Variants in C8orf34 observed in about 807,000 individuals in gnomAD.
C8orf34 encodes chromosome 8 open reading frame 34, also known as uncharacterized protein C8orf34.
C8orf34 carries 65 observed loss-of-function variants against 68.3 expected under a neutral mutation model. That is an observed-to-expected ratio of 0.95 (90% confidence interval 0.78 to 1.17). The LOEUF is 1.17. Among genes scored for constraint, C8orf34 ranks in the 50% most tolerant of loss-of-function variants. The probability of loss-of-function intolerance (pLI) is 0.00; values close to 1 mark genes in which losing one functional copy is unlikely to be tolerated. For missense variants in C8orf34, 664 were observed against 655.4 expected (o/e 1.01, Z -0.14); for synonymous variants, 244 against 241.2 (o/e 1.01, Z -0.11).
At chr8:68,702,614 T>G (rs542675099) in intron 8 of C8orf34, among the ~76,000 whole-genome samples, 1 of 152,288 alleles carries the variant, frequency 6.6e-6, no homozygotes, top group South Asian at 2.1e-4. Context: ...TCCATGATAA[T>G]GTACAGAAGG....
At chr8:68,644,595 C>A (rs1436569975) in intron 8 of C8orf34, among the ~76,000 whole-genome samples, 1 of 152,140 alleles carries the variant, frequency 6.6e-6, no homozygotes, top group Admixed American at 6.5e-5. Flanking sequence ...TCAGCTAGAA[C>A]AAGGATAAGC....
chr8:68,578,069 A>G (rs13267615), intron 7 of C8orf34, among the ~76,000 whole-genome samples: 42,148 of 151,608 alleles, frequency 0.28, 7,011 homozygotes, highest in Non-Finnish European at 0.36. Context: ...AGGAGGCAAG[A>G]AGTAGGTAAA....
chr8:68,594,852 G>A (rs1817496858), intron 7 of C8orf34, among the ~76,000 whole-genome samples: 1 of 151,924 alleles, frequency 6.6e-6, no homozygotes. Flanking sequence ...GTTCTTTATT[G>A]CTTCATTTTT....
intron 5 of C8orf34, among the ~76,000 whole-genome samples, chr8:68,519,045 T>C (rs192410662): frequency 2.0e-4 from 31 of 152,238 alleles, no homozygotes; most frequent in Admixed American, 1.9e-3. Context: ...AAATGAAAAA[T>C]TTATTGTAAA....
chr8:68,496,276 A>G (rs4236960), intron 5 of C8orf34, among the ~76,000 whole-genome samples: 59,056 of 151,986 alleles, frequency 0.39, 11,822 homozygotes, highest in African/African-American at 0.45. Context: ...GCAGTGTGCT[A>G]AGTGCTTTGA....
intron 1 of C8orf34, among the ~76,000 whole-genome samples, chr8:68,386,202 C>A (rs1808252597): frequency 6.6e-6 from 1 of 152,116 alleles, no homozygotes; most frequent in East Asian, 1.9e-4. Context: ...CCACCCATAC[C>A]CGGCCTATTT....
At chr8:68,542,098 A>G (rs1815722021) in intron 7 of C8orf34, among the ~76,000 whole-genome samples, 1 of 152,160 alleles carries the variant, frequency 6.6e-6, no homozygotes, top group East Asian at 1.9e-4. Flanking sequence ...TCCCTGATTT[A>G]TAGTCATAGA....
intron 1 of C8orf34, among the ~76,000 whole-genome samples, chr8:68,381,523 G>A (rs2129620229): frequency 6.6e-6 from 1 of 151,468 alleles, no homozygotes; most frequent in East Asian, 1.9e-4. Flanking sequence ...ATGAGGTCAG[G>A]AGATCGAGAC....
At chr8:68,402,198 TG>T (rs1210712460) in intron 1 of C8orf34, among the ~76,000 whole-genome samples, 1 of 152,152 alleles carries the variant, frequency 6.6e-6, no homozygotes, top group African/African-American at 2.4e-5. Context: ...AGCATATAGT[TG>T]TTTCATATCA....
At chr8:68,572,662 G>A (rs1816791477) in intron 7 of C8orf34, among the ~76,000 whole-genome samples, 4 of 151,828 alleles carry the variant, frequency 2.6e-5, no homozygotes. Flanking sequence ...TATACCTAGG[G>A]GGACTCTTAA....
In C8orf34 at chr8:68,777,502, C is replaced by T. The variant is rs371351632; in HGVS notation, c.1455+1053C>T. On this transcript the variant is annotated intron_variant, in intron 11 of 13. Transcript: ENST00000518698. ...AGAAGGTGGAGAATTTATGCCTTTT[C>T]ACTTAAAGTACTTAAAGGCTATTGT... 2.0e-5 allele frequency among the ~76,000 whole-genome samples: 3 copies of T among 152,312 alleles called. No individual in the cohort carries two copies. The East Asian group carries it at 5.8e-4, about 29-fold the overall frequency.
intron 8 of C8orf34, among the ~76,000 whole-genome samples, chr8:68,641,639 T>A (rs1378821094): frequency 6.6e-6 from 1 of 152,238 alleles, no homozygotes. Context: ...TACAGTTGTA[T>A]ATTTACATTT....
At chr8:68,801,575 G>A (rs774612287) in intron 12 of C8orf34, among the ~76,000 whole-genome samples, 9 of 152,100 alleles carry the variant, frequency 5.9e-5, no homozygotes, top group Non-Finnish European at 1.3e-4. Context: ...AATTCATACT[G>A]TCATACTGCA....
intron 5 of C8orf34, among the ~76,000 whole-genome samples, chr8:68,505,036 A>G (rs1813946341): frequency 6.6e-6 from 1 of 151,902 alleles, no homozygotes; most frequent in Non-Finnish European, 1.5e-5. Flanking sequence ...GCTAGTCTCG[A>G]ACTCTTGACC....
intron 7 of C8orf34, among the ~76,000 whole-genome samples, chr8:68,635,759 T>C (rs1410605660): frequency 6.6e-6 from 1 of 152,178 alleles, no homozygotes; most frequent in Non-Finnish European, 1.5e-5. Flanking sequence ...TTTGAGCAAC[T>C]ATAAATGTTA....
chr8:68,421,955 T>C (rs1377891591), intron 1 of C8orf34, among the ~76,000 whole-genome samples: 1 of 152,090 alleles, frequency 6.6e-6, no homozygotes, highest in Non-Finnish European at 1.5e-5. Flanking sequence ...AACCATCAGA[T>C]CTTTTGAGAC....
chr8:68,794,505 A>ATAT (rs1313909362), intron 12 of C8orf34, among the ~76,000 whole-genome samples: 17 of 62,254 alleles, frequency 2.7e-4, no homozygotes, highest in Admixed American at 1.8e-3. Context: ...ATATATATAT[A>ATAT]TTTTTTTTTT....
At chr8:68,454,349 T>G (rs1324967402) in intron 3 of C8orf34, among the ~76,000 whole-genome samples, 1 of 152,076 alleles carries the variant, frequency 6.6e-6, no homozygotes, top group Non-Finnish European at 1.5e-5. Flanking sequence ...TGTTAATTCT[T>G]CTTTAAATGC....
chr8:68,536,651 G>T (rs927627760), intron 7 of C8orf34, among the ~76,000 whole-genome samples: 8 of 151,534 alleles, frequency 5.3e-5, no homozygotes, highest in Non-Finnish European at 1.5e-5. Context: ...TTCTAATATG[G>T]GTATTACTAT....
Sources: allele counts gnomAD v4.1 joint callset (sites outside exome capture counted in the v4.1 genomes callset), GRCh38; gene constraint gnomAD v4.1.1; transcripts MANE v1.5; gene names NCBI Gene and HGNC (gene_info 2026-07-23, HGNC 2026-07-21).